OR52N4: variants seen among roughly 807,000 people sequenced by gnomAD.
The protein encoded by OR52N4 is olfactory receptor 52N4.
OR52N4 carries 15 observed loss-of-function variants against 15.0 expected under a neutral mutation model. The ratio of observed to expected loss-of-function variants is 1.00; its 90% CI spans 0.67 to 1.54. The LOEUF (loss-of-function observed/expected upper bound fraction) is 1.54. Among genes scored for constraint, OR52N4 ranks in the 40% most tolerant of loss-of-function variants. The pLI is 0.00. For synonymous variants in OR52N4, 143 were observed against 143.7 expected (o/e 1.00, Z 0.03); for missense variants, 421 against 394.0 (o/e 1.07, Z -0.58).
upstream of OR52N4, among the ~76,000 whole-genome samples, chr11:5,749,288 G>C (rs1010305618): frequency 4.6e-5 from 7 of 151,964 alleles, no homozygotes; most frequent in East Asian, 1.3e-3. Flanking sequence ...AAAGTGAAGA[G>C]GAGCTTTGGG....
chr11:5,743,378 G>A, the OR52N4 span, among the ~76,000 whole-genome samples: 1 of 152,138 alleles, frequency 6.6e-6, no homozygotes, highest in South Asian at 2.1e-4. Context: ...TTGCCCTCTA[G>A]ATTAAATGCT....
At chr11:5,729,145 A>T in the OR52N4 span, among the ~76,000 whole-genome samples, 1 of 90,220 alleles carries the variant, frequency 1.1e-5, no homozygotes, top group Non-Finnish European at 2.2e-5. Flanking sequence ...TTTGAGGCAG[A>T]GTCTCGCTCT....
upstream of OR52N4, among the ~76,000 whole-genome samples, chr11:5,749,796 G>GT (rs1854152332): frequency 6.6e-6 from 1 of 151,860 alleles, no homozygotes; most frequent in Admixed American, 6.6e-5. Context: ...GGCCTACAGA[G>GT]TTTAAGAATG....
rs1292591546 is a variant in OR52N4, at chr11:5,755,027, T to A, written c.287T>A (p.Phe96Tyr). ...IFWFHLKDIGFDECLVQMFFT... is the reference protein window; with the variant it reads ...IFWFHLKDIGYDECLVQMFFT... ...TGGTTTCATCTCAAGGACATTGGAT[T>A]TGATGAATGCCTTGTCCAGATGTTC... The change falls in exon 2 of 2, where the codon TTT (phenylalanine) becomes TAT (tyrosine). Residue 96 changes from phenylalanine (F) to tyrosine (Y), a missense_variant. Physicochemically the swap from Phe to Tyr is conservative, Grantham distance 22 (BLOSUM62 3). Coordinates refer to ENST00000641350, the MANE Select transcript of OR52N4 (RefSeq NM_001005175.5). 4.4e-5 allele frequency: 71 copies of A among 1,613,898 alleles called. No homozygotes were observed. Among genetic ancestry groups the A allele is most frequent in the Non-Finnish European group, 5.8e-5 (68 of 1,179,968 alleles).
At chr11:5,751,907 A>T (rs575129359), upstream of OR52N4, among the ~76,000 whole-genome samples, 2 of 152,166 alleles carry the variant, frequency 1.3e-5, no homozygotes, top group Non-Finnish European at 2.9e-5. Flanking sequence ...AATAATTTAA[A>T]GGATGGGTCG....
the OR52N4 span, chr11:5,738,647 AG>A: frequency 6.6e-6 from 1 of 152,120 alleles, no homozygotes; most frequent in Admixed American, 6.6e-5. Flanking sequence ...CACCCACATA[AG>A]AATGTAGGCA....
chr11:5,744,458 C>T, the OR52N4 span, among the ~76,000 whole-genome samples: 122 of 152,164 alleles, frequency 8.0e-4, no homozygotes, highest in African/African-American at 2.9e-3. Flanking sequence ...AAATCTTCAG[C>T]GAAATACTAC....
At chr11:5,742,985 C>G in the OR52N4 span, among the ~76,000 whole-genome samples, 1 of 151,952 alleles carries the variant, frequency 6.6e-6, no homozygotes, top group Non-Finnish European at 1.5e-5. Flanking sequence ...ACATGTGCTG[C>G]CTATTAAAAT....
chr11:5,730,189 A>ATTT, the OR52N4 span, among the ~76,000 whole-genome samples: 4 of 110,194 alleles, frequency 3.6e-5, no homozygotes, highest in East Asian at 2.7e-4. Flanking sequence ...AGCAGTAACC[A>ATTT]TTTTTTTTTT....
At chr11:5,752,234 T>G (rs561536595), upstream of OR52N4, among the ~76,000 whole-genome samples, 1 of 152,272 alleles carries the variant, frequency 6.6e-6, no homozygotes, top group Admixed American at 6.5e-5. Context: ...CCAGTATAAC[T>G]CTGACATTTT....
chr11:5,747,352 G>A, the OR52N4 span, among the ~76,000 whole-genome samples: 11 of 151,846 alleles, frequency 7.2e-5, no homozygotes, highest in Admixed American at 3.3e-4. Context: ...TATATAGGAG[G>A]AATAAGTTCA....
the OR52N4 span, among the ~76,000 whole-genome samples, chr11:5,743,731 C>G: frequency 6.6e-6 from 1 of 152,090 alleles, no homozygotes; most frequent in African/African-American, 2.4e-5. Flanking sequence ...ATGGCAAAAG[C>G]TGTTTTAAGT....
At chr11:5,750,190 T>C (rs1854160918), upstream of OR52N4, among the ~76,000 whole-genome samples, 1 of 151,980 alleles carries the variant, frequency 6.6e-6, no homozygotes, top group African/African-American at 2.4e-5. Context: ...AGGAGATATT[T>C]ATGCTTCCCC....
the OR52N4 span, chr11:5,736,501 A>C: frequency 6.2e-7 from 1 of 1,609,960 alleles, no homozygotes; most frequent in Admixed American, 1.7e-5. Flanking sequence ...TAGAGATTTG[A>C]AATTCATGTT....
At chr11:5,740,514 G>A in the OR52N4 span, among the ~76,000 whole-genome samples, 1 of 127,586 alleles carries the variant, frequency 7.8e-6, no homozygotes, top group Non-Finnish European at 1.7e-5. Flanking sequence ...ACTTGGGCAT[G>A]AAATTTGAGT....
At chr11:5,745,571 CT>C in the OR52N4 span, among the ~76,000 whole-genome samples, 1 of 152,042 alleles carries the variant, frequency 6.6e-6, no homozygotes, top group African/African-American at 2.4e-5. Flanking sequence ...GAAAAATCAC[CT>C]CATGCTCATG....
chr11:5,753,859 G>A (rs1854237820), upstream of OR52N4, among the ~76,000 whole-genome samples: 1 of 151,158 alleles, frequency 6.6e-6, no homozygotes, highest in African/African-American at 2.4e-5. Flanking sequence ...TGGGCGTGGT[G>A]GCATGTGCCT....
chr11:5,736,608 G>T, the OR52N4 span: 1 of 1,614,004 alleles, frequency 6.2e-7, no homozygotes, highest in Non-Finnish European at 8.5e-7. Context: ...GGCATTCACA[G>T]CTGGCAACAC....
chr11:5,740,784 T>C, the OR52N4 span, among the ~76,000 whole-genome samples: 13 of 125,560 alleles, frequency 1.0e-4, 4 homozygotes, highest in Non-Finnish European at 2.1e-4. Flanking sequence ...TCCAGCCTAG[T>C]GGAGCGTACA....
Sources: allele counts gnomAD v4.1 joint callset (sites outside exome capture counted in the v4.1 genomes callset), GRCh38; gene constraint gnomAD v4.1.1; transcripts MANE v1.5; gene names NCBI Gene and HGNC (gene_info 2026-07-23, HGNC 2026-07-21).